Variants in PDE1C observed in about 807,000 individuals in gnomAD.
The protein encoded by PDE1C is dual specificity calcium/calmodulin-dependent 3',5'-cyclic nucleotide phosphodiesterase 1C.
In PDE1C, 62 loss-of-function variants were observed where a neutral mutation model predicts 93.1. That is an observed-to-expected ratio of 0.67 (90% CI 0.54 to 0.82). The LOEUF is 0.82. Ranked by LOEUF, PDE1C falls within the 40% of genes least tolerant of loss-of-function variation. PDE1C has a pLI of 0.00. For synonymous variants in PDE1C, 325 were observed against 310.1 expected, an observed-to-expected ratio of 1.05 and a Z score of -0.50; for missense variants, 742 against 884.6, an observed-to-expected ratio of 0.84 and a Z score of 2.04.
chr7:32,085,178 C>T (rs1208683102), intron 3 of PDE1C, among the ~76,000 whole-genome samples: 1 of 151,862 alleles, frequency 6.6e-6, no homozygotes, highest in Non-Finnish European at 1.5e-5. Flanking sequence ...GATATCACCA[C>T]GGATCCCACA....
At chr7:32,368,978 C>A (rs73093911) in intron 1 of PDE1C, among the ~76,000 whole-genome samples, 1 of 152,116 alleles carries the variant, frequency 6.6e-6, no homozygotes, top group South Asian at 2.1e-4. Flanking sequence ...ATATGTCATC[C>A]TATACAAAAA....
chr7:32,069,061 C>G (rs540581677), intron 1 of PDE1C, among the ~76,000 whole-genome samples: 4 of 152,166 alleles, frequency 2.6e-5, no homozygotes, highest in Non-Finnish European at 2.9e-5. Context: ...GGTGGCTAGA[C>G]AAGTCAAAAA....
chr7:32,331,925 AG>A (rs1313365843), intron 1 of PDE1C, among the ~76,000 whole-genome samples: 1 of 152,198 alleles, frequency 6.6e-6, no homozygotes, highest in Non-Finnish European at 1.5e-5. Flanking sequence ...GGCCGTTAAA[AG>A]CAAGGCCACC....
At chr7:32,084,617 G>C (rs942917500) in intron 3 of PDE1C, among the ~76,000 whole-genome samples, 11 of 151,548 alleles carry the variant, frequency 7.3e-5, no homozygotes, top group Non-Finnish European at 1.5e-5. Context: ...GCTCTCCTCA[G>C]CAAATGTAAA....
chr7:31,708,785 C>G, the PDE1C span, among the ~76,000 whole-genome samples: 1 of 152,220 alleles, frequency 6.6e-6, no homozygotes, highest in East Asian at 1.9e-4. Flanking sequence ...TGCCATATGC[C>G]CCACCTGGAG....
intron 1 of PDE1C, among the ~76,000 whole-genome samples, chr7:32,283,110 G>T (rs1328691417): frequency 6.6e-6 from 1 of 152,196 alleles, no homozygotes; most frequent in East Asian, 1.9e-4. Flanking sequence ...GACAATGATA[G>T]TTACTGTAAT....
intron 1 of PDE1C, among the ~76,000 whole-genome samples, chr7:32,387,514 C>A (rs1237723116): frequency 6.8e-6 from 1 of 147,300 alleles, no homozygotes; most frequent in African/African-American, 2.5e-5. Flanking sequence ...CTGACCCCCC[C>A]ACCTCCCTCC....
At chr7:32,023,506 C>G (rs951392358) in intron 2 of PDE1C, among the ~76,000 whole-genome samples, 6 of 151,988 alleles carry the variant, frequency 3.9e-5, no homozygotes, top group African/African-American at 7.2e-5. Context: ...TTATTAACAG[C>G]CTCAAATTGG....
intron 2 of PDE1C, among the ~76,000 whole-genome samples, chr7:32,018,287 C>T (rs1440140954): frequency 6.6e-6 from 1 of 152,034 alleles, no homozygotes; most frequent in Non-Finnish European, 1.5e-5. Context: ...AGAGTTACCA[C>T]ATGACCCAGT....
In PDE1C at chr7:31,809,079, CTG is replaced by C; in HGVS notation, c.1841_1842del (p.Thr614ArgfsTer7). ...CCGATGTTAGAGTGATCCTTCTTGT[CTG>C]TCTTATTTTTACCATCTTTGAAGTC... ...NGDFKDGKNK[T>X]DKKDHSNIGN... On this transcript the variant is annotated frameshift_variant, in exon 16 of 18. Transcript: ENST00000396191. LOFTEE classifies it high-confidence loss of function. 1 of 1,595,374 alleles carries C rather than the reference CTG, an allele frequency of 6.3e-7. No homozygotes were observed. The highest frequency in any genetic ancestry group is 8.6e-7 in the Non-Finnish European group (1 of 1,164,096).
intron 2 of PDE1C, among the ~76,000 whole-genome samples, chr7:31,987,647 C>T (rs1783590545): frequency 6.6e-6 from 1 of 152,206 alleles, no homozygotes; most frequent in South Asian, 2.1e-4. Flanking sequence ...ATAAAACCAA[C>T]TTATTTAGCA....
the PDE1C span, among the ~76,000 whole-genome samples, chr7:31,650,770 A>C: frequency 2.6e-5 from 4 of 152,334 alleles, no homozygotes; most frequent in East Asian, 7.7e-4. Context: ...ACCCAGCAAC[A>C]AAGTTAAACA....
the PDE1C span, among the ~76,000 whole-genome samples, chr7:31,622,807 A>G: frequency 6.6e-6 from 1 of 152,140 alleles, no homozygotes; most frequent in Non-Finnish European, 1.5e-5. Context: ...CAAAAAATTA[A>G]TGAATCCAGG....
At chr7:31,926,879 C>CA (rs1157700550) in intron 2 of PDE1C, among the ~76,000 whole-genome samples, 1 of 152,134 alleles carries the variant, frequency 6.6e-6, no homozygotes, top group Admixed American at 6.5e-5. Flanking sequence ...TTTGGGCAGA[C>CA]ACCAAGCTAG....
intron 2 of PDE1C, among the ~76,000 whole-genome samples, chr7:31,887,894 A>T (rs1172033107): frequency 1.3e-5 from 2 of 152,236 alleles, no homozygotes; most frequent in African/African-American, 4.8e-5. Context: ...AAATAATTCT[A>T]ACTGAACAAT....
chr7:32,151,314 C>T (rs1477618841), intron 3 of PDE1C, among the ~76,000 whole-genome samples: 1 of 152,184 alleles, frequency 6.6e-6, no homozygotes, highest in Non-Finnish European at 1.5e-5. Context: ...ATTCCCTTCA[C>T]TCCATAGTTA....
intron 14 of PDE1C, among the ~76,000 whole-genome samples, chr7:31,819,958 G>A (rs2128731035): frequency 6.6e-6 from 1 of 152,058 alleles, no homozygotes; most frequent in East Asian, 1.9e-4. Context: ...ACAAAGAAAG[G>A]TGCTTCTAGA....
intron 15 of PDE1C, among the ~76,000 whole-genome samples, chr7:31,812,903 A>T (rs1583437254): frequency 6.6e-6 from 1 of 152,224 alleles, no homozygotes; most frequent in African/African-American, 2.4e-5. Flanking sequence ...ATCAGAGTTT[A>T]ACCTGAGATC....
chr7:32,389,405 C>T lies in PDE1C; in HGVS notation c.310+38417G>A, dbSNP rs991184520. On this transcript the variant is annotated intron_variant, in intron 1 of 1. Coordinates refer to the PDE1C transcript ENST00000672256. ...CTAATTTTTGTATTCTTAGTAGAGACGGGGTTTCACCATGTTGGCCAGGCT... is the reference window on the plus strand; with the variant it reads ...CTAATTTTTGTATTCTTAGTAGAGATGGGGTTTCACCATGTTGGCCAGGCT... Among the ~76,000 whole-genome samples the T allele has an allele frequency of 6.6e-5, 10 of 152,090 alleles. No individual in the cohort carries two copies. In the South Asian group the frequency reaches 1.5e-3, roughly 22 times the overall value.
Sources: allele counts gnomAD v4.1 joint callset (sites outside exome capture counted in the v4.1 genomes callset), GRCh38; gene constraint gnomAD v4.1.1; transcripts MANE v1.5; gene names NCBI Gene and HGNC (gene_info 2026-07-23, HGNC 2026-07-21).